IGF2BP2: variants seen among roughly 807,000 people sequenced by gnomAD.
The protein encoded by IGF2BP2 is insulin like growth factor 2 mRNA binding protein 2.
A neutral mutation model predicts 75.8 loss-of-function variants in IGF2BP2; 17 were observed. The ratio of observed to expected loss-of-function variants is 0.22; its 90% CI spans 0.15 to 0.34. The LOEUF is 0.34. IGF2BP2 is among the 10% of genes least tolerant of loss of function. The pLI is 1.00. For missense variants in IGF2BP2, 516 were observed against 772.4 expected, an observed-to-expected ratio of 0.67 and a Z score of 3.93; for synonymous variants, 288 against 295.6, an observed-to-expected ratio of 0.97 and a Z score of 0.26.
chr3:185,647,393 C>T lies in IGF2BP2; in HGVS notation c.1594-255G>A, dbSNP rs949127174. Among the ~76,000 whole-genome samples, 2 of 152,034 alleles carry T rather than the reference C, an allele frequency of 1.3e-5. No homozygotes were observed. The highest frequency in any genetic ancestry group is 6.6e-5 in the Admixed American group (1 of 15,262). On this transcript the variant is annotated intron_variant, in intron 14 of 15. Coordinates refer to ENST00000382199, the MANE Select transcript of IGF2BP2 (RefSeq NM_006548.6). This position sits in a 1 kb window ranked among gnomAD's most constrained non-coding sequence, Gnocchi z 4.9. The stretch of plus-strand genomic sequence containing the variant: ...CAGATTCCTGGGGCTGCTTCTGAGG[C>T]GAAGTTCTCTTATTCTGGAGTTCCC...
Position 185,647,972 on chromosome 3 carries a change from G to A in IGF2BP2, c.1594-834C>T, listed in dbSNP as rs1713881386. Among the ~76,000 whole-genome samples, 1 of 152,358 alleles carries A rather than the reference G, an allele frequency of 6.6e-6. No homozygotes were observed. Among genetic ancestry groups the A allele is most frequent in the South Asian group, 2.1e-4 (1 of 4,828 alleles). On this transcript the variant is annotated intron_variant, in intron 14 of 15. Transcript: ENST00000382199. The surrounding 1 kb of genome is among the most constrained non-coding windows in gnomAD (Gnocchi z 4.9). ...CCAGGGGCTCAGGATTCTACTCCCT[G>A]CTGATCCATCTGCTTTCTTTTGCCT...
chr3:185,781,173 G>A (rs1735152321), intron 2 of IGF2BP2, among the ~76,000 whole-genome samples: 1 of 152,084 alleles, frequency 6.6e-6, no homozygotes, highest in Non-Finnish European at 1.5e-5. Context: ...TCAACATAAA[G>A]TAGATTAAGG....
chr3:185,757,095 T>C (rs1578205962), intron 2 of IGF2BP2, among the ~76,000 whole-genome samples: 1 of 152,346 alleles, frequency 6.6e-6, no homozygotes, highest in Non-Finnish European at 1.5e-5. Flanking sequence ...TTTCTACTCC[T>C]GGGACACATT....
chr3:185,665,202 G>A (rs1717127993), intron 10 of IGF2BP2, among the ~76,000 whole-genome samples: 13 of 147,496 alleles, frequency 8.8e-5, no homozygotes, highest in African/African-American at 2.8e-4. Flanking sequence ...AGAAGAAGGA[G>A]AAGAAGGAGA....
At chr3:185,729,680 A>AT (rs1413915600) in intron 2 of IGF2BP2, 3 of 152,232 alleles carry the variant, frequency 2.0e-5, no homozygotes, top group Admixed American at 2.0e-4. Context: ...CAGATACTAC[A>AT]TGGCAACTAA....
chr3:185,679,306 A>G (rs894707313), intron 7 of IGF2BP2, among the ~76,000 whole-genome samples: 1 of 152,152 alleles, frequency 6.6e-6, no homozygotes, highest in Non-Finnish European at 1.5e-5. Context: ...GCAATTACAT[A>G]AAACATCTTA....
intron 1 of IGF2BP2, 199 bp from the exon 2 acceptor site, chr3:185,823,412 A>AG: frequency 4.1e-6 from 2 of 482,052 alleles, no homozygotes; most frequent in Non-Finnish European, 7.5e-6. Context: ...CAAGGCGAGG[A>AG]GGGTGCGAGC....
chr3:185,743,038 G>A (rs1307810055), intron 2 of IGF2BP2, among the ~76,000 whole-genome samples: 2 of 151,020 alleles, frequency 1.3e-5, no homozygotes, highest in East Asian at 4.1e-4. Flanking sequence ...GGCGGAGGTT[G>A]CAGTGAGCCA....
chr3:185,811,813 G>C (rs534512000), intron 2 of IGF2BP2, among the ~76,000 whole-genome samples: 1 of 147,880 alleles, frequency 6.8e-6, no homozygotes, highest in African/African-American at 2.4e-5. Flanking sequence ...GGCAGGGGAC[G>C]GTGCTCAGAG....
intron 2 of IGF2BP2, among the ~76,000 whole-genome samples, chr3:185,761,891 G>A (rs1462690342): frequency 6.6e-6 from 1 of 152,166 alleles, no homozygotes; most frequent in Non-Finnish European, 1.5e-5. Context: ...AAGGGGGCAC[G>A]GAGTGAAAAA....
chr3:185,813,141 C>T (rs1220419609), intron 2 of IGF2BP2, among the ~76,000 whole-genome samples: 1 of 152,156 alleles, frequency 6.6e-6, no homozygotes, highest in Non-Finnish European at 1.5e-5. Flanking sequence ...TTTCGACTTA[C>T]CTACTTTACA....
Position 185,647,938 on chromosome 3 carries a change from A to C in IGF2BP2, c.1594-800T>G, listed in dbSNP as rs1713874205. Among the ~76,000 whole-genome samples, 1 of 152,150 alleles carries C rather than the reference A, an allele frequency of 6.6e-6. No homozygotes were observed. Among genetic ancestry groups the C allele is most frequent in the Admixed American group, 6.5e-5 (1 of 15,280 alleles). On this transcript the variant is annotated intron_variant, in intron 14 of 15. Transcript: ENST00000382199. This position sits in a 1 kb window ranked among gnomAD's most constrained non-coding sequence, Gnocchi z 4.9. Reference sequence around the variant, plus strand: ...CAGTGACTGGTTCTGAAATAGCTAAACAGGACACCCAGGGGCTCAGGATTC... The same window carrying C: ...CAGTGACTGGTTCTGAAATAGCTAACCAGGACACCCAGGGGCTCAGGATTC...
intron 2 of IGF2BP2, among the ~76,000 whole-genome samples, chr3:185,705,684 T>C (rs1723926078): frequency 6.6e-6 from 1 of 152,156 alleles, no homozygotes; most frequent in Non-Finnish European, 1.5e-5. Flanking sequence ...GGCTGGGAAG[T>C]CCAAGATCAA....
At chr3:185,730,712 TC>T (rs1207170236) in intron 2 of IGF2BP2, among the ~76,000 whole-genome samples, 1 of 152,104 alleles carries the variant, frequency 6.6e-6, no homozygotes, top group Non-Finnish European at 1.5e-5. Flanking sequence ...AGCCCAGGTG[TC>T]TTTTTTATAC....
chr3:185,798,249 C>T (rs981891873), intron 2 of IGF2BP2, among the ~76,000 whole-genome samples: 2 of 152,116 alleles, frequency 1.3e-5, no homozygotes, highest in African/African-American at 4.8e-5. Flanking sequence ...TTCTCACCAC[C>T]TCCAATAATG....
intron 2 of IGF2BP2, among the ~76,000 whole-genome samples, chr3:185,740,178 A>G (rs1471746437): frequency 6.6e-6 from 1 of 152,184 alleles, no homozygotes; most frequent in African/African-American, 2.4e-5. Flanking sequence ...GTTGAAAAGC[A>G]AAGGGGATCT....
Position 185,713,122 on chromosome 3 carries a change from T to C in IGF2BP2, c.240-14775A>G, listed in dbSNP as rs1349926529. ...TGTGTGCAAGAGACATATATGTGTGTGTGTGTGTCTTGGTGTAATACTGTG... is the reference window on the plus strand; with the variant it reads ...TGTGTGCAAGAGACATATATGTGTGCGTGTGTGTCTTGGTGTAATACTGTG... On this transcript the variant is annotated intron_variant, in intron 2 of 15. Coordinates refer to ENST00000382199, the MANE Select transcript of IGF2BP2 (RefSeq NM_006548.6). 5 of 293,146 alleles carry C rather than the reference T, an allele frequency of 1.7e-5. No homozygotes were observed. In the East Asian group the frequency reaches 3.9e-4, roughly 23 times the overall value. 18.2% of individuals were successfully genotyped at this position (293,146 alleles called of 1,614,324 possible).
rs192574193 is a variant in IGF2BP2, at chr3:185,779,877, A to C, written c.239+43276T>G. 1.8e-3 allele frequency among the ~76,000 whole-genome samples: 272 copies of C among 152,342 alleles called. 1 individual carries two copies. Among genetic ancestry groups the C allele is most frequent in the African/African-American group, 6.3e-3 (262 of 41,572 alleles). On this transcript the variant is annotated intron_variant, in intron 2 of 15. Transcript: ENST00000382199. ...AAAATGTAAAGGTATATGATTTAAG[A>C]CTTAGCAATTCCACTTCTCAATCCC...
chr3:185,697,750 CA>C (rs1299541549), intron 3 of IGF2BP2, among the ~76,000 whole-genome samples: 1 of 152,072 alleles, frequency 6.6e-6, no homozygotes, highest in Non-Finnish European at 1.5e-5. Context: ...TCATGAGATA[CA>C]AGGCAGGTGG....
Sources: gnomAD v4.1 joint callset for allele counts (sites outside exome capture counted in the v4.1 genomes callset) on GRCh38, gnomAD v4.1.1 for gene constraint, Gnocchi (gnomAD v3.1) non-coding constraint, MANE v1.5 for transcripts, NCBI Gene and HGNC (gene_info 2026-07-23, HGNC 2026-07-21) for gene names.